Variants in C3orf20 observed in about 807,000 individuals in gnomAD.
C3orf20 encodes family with sequence similarity 149 member C.
Under a neutral mutation model 88.3 loss-of-function variants are expected in C3orf20, and 76 were observed. That is an observed-to-expected ratio of 0.86 (90% CI 0.72 to 1.04). C3orf20 has a LOEUF of 1.04. Among genes scored for constraint, C3orf20 ranks in the 50% least tolerant of loss-of-function variants. The pLI is 0.00. For missense variants in C3orf20, 1,056 were observed against 1,123.3 expected, an observed-to-expected ratio of 0.94 and a Z score of 0.86; for synonymous variants, 436 against 437.4, an observed-to-expected ratio of 1.00 and a Z score of 0.04.
chr3:14,684,532 G>C, intron 4 of C3orf20, 150 bp downstream of exon 4: 1 of 1,116,386 alleles, frequency 9.0e-7, no homozygotes, highest in Non-Finnish European at 1.3e-6. Context: ...TGCTACAGGT[G>C]AGTGGATGAA....
At chr3:14,721,860 G>T (rs2034175202) in intron 10 of C3orf20, 76 bp downstream of exon 10, 3 of 1,576,444 alleles carry the variant, frequency 1.9e-6, no homozygotes, top group Non-Finnish European at 2.6e-6. Flanking sequence ...ATATCTCAGG[G>T]CCTTTGCTCT....
At position 14,682,600 on chromosome 3, in the gene C3orf20, T is replaced by TA; in HGVS notation, c.-112dup. On this transcript the variant is annotated 5_prime_UTR_variant, in exon 3 of 17. An upstream open reading frame in the 5' UTR loses its in-frame stop. Transcript: ENST00000253697. Reference sequence around the variant, plus strand: ...TAGGAACCACTGGCTCAATGACCTGTAAGGGCCGTTTCAGCACATCCATTC... The same window carrying TA: ...TAGGAACCACTGGCTCAATGACCTGTAAAGGGCCGTTTCAGCACATCCATTC... The TA allele has an allele frequency of 2.9e-6, 4 of 1,367,662 alleles. No homozygotes were observed. Among genetic ancestry groups the TA allele is most frequent in the Non-Finnish European group, 4.0e-6 (4 of 1,010,752 alleles). 84.7% of individuals were successfully genotyped at this position (1,367,662 alleles called of 1,614,324 possible). A position where few individuals can be genotyped will look rare whatever the true frequency, so the allele number is the denominator to read the frequency against.
chr3:14,719,122 A>ATT (rs1402065742), intron 9 of C3orf20, among the ~76,000 whole-genome samples: 70 of 118,774 alleles, frequency 5.9e-4, no homozygotes, highest in Non-Finnish European at 1.1e-3. Flanking sequence ...CCTTTGGGTC[A>ATT]TTGTTTTTTT....
chr3:14,750,125 C>T (rs1418258580), intron 12 of C3orf20, among the ~76,000 whole-genome samples: 1 of 152,124 alleles, frequency 6.6e-6, no homozygotes, highest in African/African-American at 2.4e-5. Flanking sequence ...AGTATCTTTC[C>T]ATTTCAACCT....
chr3:14,766,081 G>C (rs1038881774), intron 15 of C3orf20, among the ~76,000 whole-genome samples: 3 of 152,176 alleles, frequency 2.0e-5, no homozygotes, highest in African/African-American at 7.2e-5. Context: ...GCCACAGAAG[G>C]CTCCAAGCTT....
chr3:14,742,720 G>A (rs537160631), intron 12 of C3orf20, among the ~76,000 whole-genome samples: 1 of 152,260 alleles, frequency 6.6e-6, no homozygotes, highest in African/African-American at 2.4e-5. Flanking sequence ...AGGTTTAATT[G>A]GACTTACAGT....
chr3:14,675,781 C>T (rs2031734000), intron 1 of C3orf20, among the ~76,000 whole-genome samples: 1 of 152,088 alleles, frequency 6.6e-6, no homozygotes, highest in Non-Finnish European at 1.5e-5. Context: ...ACCTCCACTC[C>T]CCGGGTTCAA....
At position 14,701,356 on chromosome 3, in the gene C3orf20, T is replaced by C. The variant is rs2033252734; in HGVS notation, c.746-1774T>C. Among the ~76,000 whole-genome samples, 1 of 152,132 alleles carries C rather than the reference T, an allele frequency of 6.6e-6. No individual in the cohort carries two copies. On this transcript the variant is annotated intron_variant, in intron 5 of 16. Coordinates refer to ENST00000253697, the MANE Select transcript of C3orf20 (RefSeq NM_032137.5). The surrounding 1 kb of genome is among the most constrained non-coding windows in gnomAD (Gnocchi z 4.6). Reference sequence around the variant, plus strand: ...AAATGCCCCCACCCAAAGCCAGGTTTCATCCTCAAATCCAAGGTGAAGTTA... The same window carrying C: ...AAATGCCCCCACCCAAAGCCAGGTTCCATCCTCAAATCCAAGGTGAAGTTA...
intron 13 of C3orf20, among the ~76,000 whole-genome samples, chr3:14,759,226 G>A (rs548982796): frequency 6.2e-4 from 95 of 152,316 alleles, no homozygotes; most frequent in African/African-American, 2.2e-3. Flanking sequence ...CTAGAACACT[G>A]GGTGTGGTTC....
At chr3:14,724,759 G>A (rs1308247656) in intron 10 of C3orf20, among the ~76,000 whole-genome samples, 1 of 152,122 alleles carries the variant, frequency 6.6e-6, no homozygotes, top group Non-Finnish European at 1.5e-5. Context: ...TTTTTAATGT[G>A]CTAACTAGGA....
chr3:14,704,167 G>A (rs2033398493), intron 6 of C3orf20, among the ~76,000 whole-genome samples, 170 bp from the exon 7 acceptor site: 1 of 152,158 alleles, frequency 6.6e-6, no homozygotes, highest in South Asian at 2.1e-4. Context: ...GAACTTCCCA[G>A]TTCTTCCCAA....
intron 5 of C3orf20, among the ~76,000 whole-genome samples, chr3:14,695,294 G>A (rs1014172886): frequency 5.3e-5 from 8 of 151,792 alleles, no homozygotes; most frequent in Non-Finnish European, 1.2e-4. Context: ...AATTTATATA[G>A]TTTCCAAAAT....
chr3:14,703,862 G>A (rs559019100), intron 6 of C3orf20, among the ~76,000 whole-genome samples: 105 of 152,262 alleles, frequency 6.9e-4, no homozygotes, highest in African/African-American at 2.4e-3. Context: ...TTCTCTGAGG[G>A]CCCAGGCCAC....
intron 12 of C3orf20, among the ~76,000 whole-genome samples, chr3:14,730,591 A>G (rs911756740): frequency 7.2e-5 from 11 of 152,192 alleles, no homozygotes; most frequent in African/African-American, 2.4e-4. Flanking sequence ...TACACCAGAA[A>G]GTATGCATTC....
intron 5 of C3orf20, among the ~76,000 whole-genome samples, chr3:14,702,265 A>G (rs1480217743): frequency 2.0e-5 from 3 of 152,160 alleles, no homozygotes; most frequent in Admixed American, 1.3e-4. Context: ...CTTATTCACT[A>G]TCACGAGAAT....
At chr3:14,722,628 G>A (rs1230821301) in intron 10 of C3orf20, 5 of 455,208 alleles carry the variant, frequency 1.1e-5, no homozygotes, top group African/African-American at 1.0e-4. Flanking sequence ...ATTCTAGACT[G>A]CTTTCGTTTC....
At position 14,701,613 on chromosome 3, in the gene C3orf20, C is replaced by T. The variant is rs557238384; in HGVS notation, c.746-1517C>T. Among the ~76,000 whole-genome samples, 11 of 152,280 alleles carry T rather than the reference C, an allele frequency of 7.2e-5. No individual in the cohort carries two copies. The South Asian group carries it at 8.3e-4, about 11-fold the overall frequency. On this transcript the variant is annotated intron_variant, in intron 5 of 16. Coordinates refer to ENST00000253697, the MANE Select transcript of C3orf20 (RefSeq NM_032137.5). This position sits in a 1 kb window ranked among gnomAD's most constrained non-coding sequence, Gnocchi z 4.6. ...CCAGGTCATGCAGATCATTGTCATC[C>T]GGTCTGCAGAGACTCAGATGACAGT... is the stretch of plus-strand genomic sequence containing the variant.
At position 14,683,157 on chromosome 3, in the gene C3orf20, C is replaced by T. The variant is rs34211414; in HGVS notation, c.444C>T (p.Leu148=). The T allele has an allele frequency of 6.3e-3, 10,132 of 1,609,824 alleles. 40 individuals carry two copies. Among genetic ancestry groups the T allele is most frequent in the Non-Finnish European group, 7.5e-3 (8,804 of 1,178,008 alleles). Residue 148 remains leucine, a synonymous_variant, in exon 3 of 17, where the codon CTC becomes CTT. Coordinates refer to ENST00000253697, the MANE Select transcript of C3orf20 (RefSeq NM_032137.5). ...QQQSIHLLTE[L]LRLKMKAMVE... is the part of the protein sequence containing the mutation. ...AGTCCATCCACCTGCTGACGGAGCT[C>T]CTCAGACTGAAGATGAAGGCCATGG...
chr3:14,762,053 G>T (rs758168441), intron 15 of C3orf20, among the ~76,000 whole-genome samples: 5 of 152,290 alleles, frequency 3.3e-5, no homozygotes, highest in Non-Finnish European at 5.9e-5. Flanking sequence ...TGCAAGCTGG[G>T]CTCTGCTTCT....
Sources: gnomAD v4.1 joint callset for allele counts (sites outside exome capture counted in the v4.1 genomes callset) on GRCh38, gnomAD v4.1.1 for gene constraint, Gnocchi (gnomAD v3.1) non-coding constraint, MANE v1.5 for transcripts, NCBI Gene and HGNC (gene_info 2026-07-23, HGNC 2026-07-21) for gene names.